PTBP3: variants seen among roughly 807,000 people sequenced by gnomAD.
The protein encoded by PTBP3 is polypyrimidine tract binding protein 3, also known as polypyrimidine tract-binding protein 3.
Under a neutral mutation model 58.7 loss-of-function variants are expected in PTBP3, and 20 were observed. That is an observed-to-expected ratio of 0.34 (90% confidence interval 0.24 to 0.50). PTBP3 has a LOEUF of 0.50. Ranked by LOEUF, PTBP3 falls within the 20% of genes least tolerant of loss-of-function variation. The probability of loss-of-function intolerance (pLI) is 0.98; values close to 1 mark genes in which losing one functional copy is unlikely to be tolerated. For missense variants in PTBP3, 509 were observed against 637.2 expected (o/e 0.80, Z 2.17); for synonymous variants, 185 against 219.8 (o/e 0.84, Z 1.40).
At chr9:112,287,891 C>T (rs1181576185) in intron 2 of PTBP3, among the ~76,000 whole-genome samples, 2 of 151,940 alleles carry the variant, frequency 1.3e-5, no homozygotes, top group African/African-American at 2.4e-5. Context: ...CTGTAATTTT[C>T]TAGGTTTGTT....
intron 1 of PTBP3, among the ~76,000 whole-genome samples, chr9:112,324,808 G>T (rs1830094512): frequency 6.6e-6 from 1 of 152,086 alleles, no homozygotes; most frequent in Non-Finnish European, 1.5e-5. Context: ...TAGTCCACAA[G>T]AATACCTAAA....
chr9:112,320,291 A>AAAAAAAATATATATATATATATAT (rs1411646280), intron 1 of PTBP3, among the ~76,000 whole-genome samples: 3 of 73,568 alleles, frequency 4.1e-5, no homozygotes, highest in African/African-American at 1.8e-4. Context: ...AAAAAAAAAA[A>AAAAAAAATATATATATATATATAT]ATATATATAT....
intron 2 of PTBP3, among the ~76,000 whole-genome samples, chr9:112,281,522 T>A (rs143060846): frequency 7.9e-4 from 120 of 152,346 alleles, no homozygotes; most frequent in African/African-American, 2.8e-3. Context: ...ATGAAGGATA[T>A]TAATCTGTAG....
At chr9:112,332,785 C>T (rs774387725) in intron 1 of PTBP3, 19 of 1,612,264 alleles carry the variant, frequency 1.2e-5, no homozygotes, top group African/African-American at 2.7e-5. Context: ...TTTACATACA[C>T]GGGCAGATAA....
At chr9:112,252,625 A>C (rs977888789) in intron 6 of PTBP3, 53 bp downstream of exon 6, 4 of 1,269,798 alleles carry the variant, frequency 3.2e-6, no homozygotes, top group Non-Finnish European at 4.6e-6. Context: ...GCACAAGAGA[A>C]GGTATCACTG....
intron 3 of PTBP3, among the ~76,000 whole-genome samples, chr9:112,275,371 G>A (rs188927616): frequency 2.6e-4 from 40 of 152,224 alleles, no homozygotes; most frequent in South Asian, 6.2e-4. Flanking sequence ...CTGACCTCAG[G>A]TGATCCGCCC....
intron 1 of PTBP3, among the ~76,000 whole-genome samples, chr9:112,302,141 C>T (rs1828961750): frequency 6.6e-6 from 1 of 151,966 alleles, no homozygotes; most frequent in African/African-American, 2.4e-5. Context: ...ACGCAGATAA[C>T]ATATACCAGA....
chr9:112,230,854 G>C (rs1835171083), intron 10 of PTBP3, among the ~76,000 whole-genome samples: 1 of 152,044 alleles, frequency 6.6e-6, no homozygotes, highest in Non-Finnish European at 1.5e-5. Flanking sequence ...AACCTGAATC[G>C]CATTATACCA....
At chr9:112,275,414 C>T (rs1306750065) in intron 3 of PTBP3, among the ~76,000 whole-genome samples, 2 of 152,094 alleles carry the variant, frequency 1.3e-5, no homozygotes, top group African/African-American at 2.4e-5. Flanking sequence ...GGATTACAGG[C>T]GTGAGCCACT....
At chr9:112,269,310 G>A (rs1827267303) in intron 3 of PTBP3, among the ~76,000 whole-genome samples, 10 of 151,742 alleles carry the variant, frequency 6.6e-5, no homozygotes, top group Admixed American at 6.6e-4. Flanking sequence ...TTTAGGGGAG[G>A]AGAAAGAAAA....
At chr9:112,362,782 C>A in the PTBP3 span, 1 of 276,766 alleles carries the variant, frequency 3.6e-6, no homozygotes, top group Non-Finnish European at 7.2e-6. Context: ...TCATTCACCA[C>A]CAGTCAGAAC....
At chr9:112,268,861 G>A (rs909087924) in intron 3 of PTBP3, among the ~76,000 whole-genome samples, 3 of 152,010 alleles carry the variant, frequency 2.0e-5, no homozygotes, top group Admixed American at 1.3e-4. Flanking sequence ...CATTGTAAAC[G>A]GATGCTTTCA....
intron 2 of PTBP3, among the ~76,000 whole-genome samples, chr9:112,288,027 T>C (rs1828219540): frequency 1.3e-5 from 2 of 152,334 alleles, no homozygotes; most frequent in South Asian, 4.1e-4. Context: ...ATATTTGTTA[T>C]TTTTCTTTTA....
At chr9:112,285,472 G>A (rs911098488) in intron 2 of PTBP3, among the ~76,000 whole-genome samples, 5 of 152,112 alleles carry the variant, frequency 3.3e-5, no homozygotes, top group African/African-American at 9.7e-5. Context: ...GTATTATTCT[G>A]GTGTTGGGAA....
Position 112,220,817 on chromosome 9 carries a change from A to G in PTBP3, c.*3034T>C. 1.0e-6 allele frequency: 1 copy of G among 975,298 alleles called. No individual in the cohort carries two copies. The highest frequency in any genetic ancestry group is 1.2e-6 in the Non-Finnish European group (1 of 820,730). 60.4% of individuals were successfully genotyped at this position (975,298 alleles called of 1,614,324 possible). On this transcript the variant is annotated 3_prime_UTR_variant, in exon 14 of 14. Transcript: ENST00000374257. ...CTATTTTTTAAAGTCCTGAATATAT[A>G]TACTTTGTGTAGAAGTCAAGACACC...
chr9:112,290,394 G>A (rs1828339227), intron 2 of PTBP3, among the ~76,000 whole-genome samples: 1 of 151,874 alleles, frequency 6.6e-6, no homozygotes, highest in South Asian at 2.1e-4. Context: ...CACAATATCG[G>A]CCAGGCATGG....
intron 2 of PTBP3, among the ~76,000 whole-genome samples, chr9:112,281,898 A>G (rs565996563): frequency 6.6e-6 from 1 of 152,130 alleles, no homozygotes; most frequent in Non-Finnish European, 1.5e-5. Context: ...GGGTGGCTTA[A>G]ACAAGAAAAA....
the PTBP3 span, among the ~76,000 whole-genome samples, chr9:112,350,062 T>C: frequency 6.6e-6 from 1 of 151,854 alleles, no homozygotes; most frequent in East Asian, 1.9e-4. Flanking sequence ...TTATGTACCA[T>C]TTAAAGATTT....
In PTBP3 at chr9:112,219,697, T is replaced by C. The variant is rs1215437089; in HGVS notation, c.*4154A>G. On this transcript the variant is annotated 3_prime_UTR_variant, in exon 14 of 14. Transcript: ENST00000374257. ...GGGACAACATTCTTTTAAAACTATA[T>C]AGTACATATTTCCTGAAAACCAGAA... 1 of 152,764 alleles carries C rather than the reference T, an allele frequency of 6.5e-6. No individual in the cohort carries two copies. The highest frequency in any genetic ancestry group is 1.5e-5 in the Non-Finnish European group (1 of 68,150). 9.5% of individuals were successfully genotyped at this position (152,764 alleles called of 1,614,324 possible). A position where few individuals can be genotyped will look rare whatever the true frequency, so the allele number is the denominator to read the frequency against.
Sources: gnomAD v4.1 joint callset for allele counts (sites outside exome capture counted in the v4.1 genomes callset) on GRCh38, gnomAD v4.1.1 for gene constraint, MANE v1.5 for transcripts, NCBI Gene and HGNC (gene_info 2026-07-23, HGNC 2026-07-21) for gene names.